Variants in SPECC1 observed in about 807,000 individuals in gnomAD.
SPECC1 encodes the protein cytospin-B.
Under a neutral mutation model 104.1 loss-of-function variants are expected in SPECC1, and 62 were observed. The observed-to-expected ratio is 0.60, with a 90% CI of 0.49 to 0.74. The LOEUF (loss-of-function observed/expected upper bound fraction) is 0.74. Ranked by LOEUF, SPECC1 falls within the 30% of genes least tolerant of loss-of-function variation. The probability of loss-of-function intolerance (pLI) is 0.00; values close to 1 mark genes in which losing one functional copy is unlikely to be tolerated. For synonymous variants in SPECC1, 513 were observed against 501.6 expected (o/e 1.02, Z -0.30); for missense variants, 1,306 against 1,310.5 (o/e 1.00, Z 0.05).
At chr17:20,027,996 A>G (rs780809842) in intron 1 of SPECC1, among the ~76,000 whole-genome samples, 11 of 152,186 alleles carry the variant, frequency 7.2e-5, no homozygotes, top group Non-Finnish European at 1.6e-4. Flanking sequence ...TGTCAAACCT[A>G]ACGTCTTTAA....
intron 1 of SPECC1, among the ~76,000 whole-genome samples, chr17:20,013,084 T>C (rs1228360411): frequency 6.6e-6 from 1 of 152,216 alleles, no homozygotes; most frequent in East Asian, 1.9e-4. Flanking sequence ...TACACCACAT[T>C]TTGCTTATCC....
chr17:20,189,085 C>T (rs1236585088), intron 3 of SPECC1, among the ~76,000 whole-genome samples: 2 of 152,172 alleles, frequency 1.3e-5, no homozygotes, highest in East Asian at 1.9e-4. Flanking sequence ...TTCTCACTTG[C>T]ATCGAGCCTC....
At chr17:20,044,376 G>A (rs7221669) in intron 1 of SPECC1, among the ~76,000 whole-genome samples, 10,486 of 152,158 alleles carry the variant, frequency 0.069, 982 homozygotes, top group African/African-American at 0.21. Flanking sequence ...AGCTCACCCT[G>A]GAGGTGAATG....
At chr17:20,150,281 C>A (rs912684723) in intron 3 of SPECC1, among the ~76,000 whole-genome samples, 1 of 151,524 alleles carries the variant, frequency 6.6e-6, no homozygotes. Context: ...CTGTGCCCGG[C>A]CTTTTTTCTT....
chr17:20,011,105 C>A (rs1346132438), intron 1 of SPECC1, among the ~76,000 whole-genome samples: 1 of 152,138 alleles, frequency 6.6e-6, no homozygotes, highest in African/African-American at 2.4e-5. Flanking sequence ...TAGTTTACCC[C>A]ATTTTTATCT....
chr17:20,017,967 C>T (rs774222528), intron 1 of SPECC1: 7 of 152,264 alleles, frequency 4.6e-5, no homozygotes, highest in African/African-American at 7.2e-5. Flanking sequence ...TTGAGAATTC[C>T]TTTTTTCCTG....
At chr17:20,301,212 T>C (rs1159806832) in intron 13 of SPECC1, among the ~76,000 whole-genome samples, 1 of 151,942 alleles carries the variant, frequency 6.6e-6, no homozygotes, top group Admixed American at 6.6e-5. Flanking sequence ...CATATAAAAC[T>C]GAGCACACGG....
intron 3 of SPECC1, among the ~76,000 whole-genome samples, chr17:20,164,978 T>C (rs896172267): frequency 2.6e-5 from 4 of 152,234 alleles, no homozygotes; most frequent in Admixed American, 2.6e-4. Flanking sequence ...TTTTTTATAC[T>C]TTCTGTCTCT....
intron 9 of SPECC1, among the ~76,000 whole-genome samples, chr17:20,247,603 A>C (rs1365190442): frequency 1.3e-5 from 2 of 152,376 alleles, no homozygotes; most frequent in East Asian, 3.8e-4. Context: ...AATAAATATT[A>C]AATGAATGAA....
chr17:20,246,033 T>A lies in SPECC1; in HGVS notation c.2459T>A (p.Val820Asp). The A allele has an allele frequency of 6.2e-7, 1 of 1,614,220 alleles. No individual in the cohort carries two copies. Residue 820 changes from valine to aspartate, a missense_variant, in exon 8 of 15, where the codon GTT (valine) becomes GAT (aspartate). By Grantham distance (152) the Val-to-Asp change is radical (BLOSUM62 -3). Around this residue, in one of 2 missense-constraint regions of SPECC1, gnomAD observed 1,177 missense variants for 1,139.9 expected, o/e 1.03. Transcript: ENST00000395527. ...SPTPPESATT[V>D]KSLIKSFDLG... ...ACACCCCCAGAGTCGGCAACCACCG[T>A]TAAGTCACTTATCAAGTCATTTGAC...
intron 2 of SPECC1, among the ~76,000 whole-genome samples, chr17:20,109,549 C>A (rs568754725): frequency 2.0e-5 from 3 of 152,348 alleles, no homozygotes; most frequent in Admixed American, 6.5e-5. Flanking sequence ...TGTCCCATGA[C>A]AGGGAAGAAA....
chr17:20,135,249 A>C (rs2049857654), intron 3 of SPECC1, among the ~76,000 whole-genome samples: 1 of 152,216 alleles, frequency 6.6e-6, no homozygotes, highest in South Asian at 2.1e-4. Flanking sequence ...TACAGTACAG[A>C]TGGTCAGAGT....
intron 3 of SPECC1, among the ~76,000 whole-genome samples, chr17:20,142,595 C>G (rs1182125732): frequency 6.6e-6 from 1 of 152,072 alleles, no homozygotes; most frequent in African/African-American, 2.4e-5. Flanking sequence ...CTAGAGTCAC[C>G]AAATCCATAG....
chr17:20,281,319 C>T (rs990893414), intron 12 of SPECC1, among the ~76,000 whole-genome samples: 9 of 152,178 alleles, frequency 5.9e-5, no homozygotes, highest in African/African-American at 2.2e-4. Flanking sequence ...CTTTTGTCTC[C>T]TGGGCTCCCA....
chr17:20,061,811 A>G (rs879675476), intron 1 of SPECC1, among the ~76,000 whole-genome samples: 4 of 152,232 alleles, frequency 2.6e-5, no homozygotes, highest in South Asian at 2.1e-4. Context: ...GAAAGACAAG[A>G]CAGCATTTTT....
chr17:20,246,158 G>C, intron 8 of SPECC1, 87 bp downstream of exon 8: 1 of 1,512,830 alleles, frequency 6.6e-7, no homozygotes, highest in Non-Finnish European at 9.0e-7. Flanking sequence ...ACTCCACCCT[G>C]GCCCTGTGTT....
chr17:20,174,768 G>A (rs2034347493), intron 3 of SPECC1, among the ~76,000 whole-genome samples: 1 of 151,944 alleles, frequency 6.6e-6, no homozygotes, highest in African/African-American at 2.4e-5. Context: ...CTGACCACAG[G>A]TCCCGCCGGC....
chr17:20,236,107 G>T (rs2038894724), intron 7 of SPECC1, among the ~76,000 whole-genome samples: 1 of 152,184 alleles, frequency 6.6e-6, no homozygotes, highest in African/African-American at 2.4e-5. Flanking sequence ...CCCTTTTCCA[G>T]CTGTCTTGCC....
In SPECC1 at chr17:20,219,918, A is replaced by G. The variant is rs145913655; in HGVS notation, c.1864-7495A>G. ...ATGGATATCCAGTTTTCCTAGCACC[A>G]TTTACTGAAGAGACTGTCTTTTCCT... On this transcript the variant is annotated intron_variant, in intron 4 of 14. Coordinates refer to ENST00000395527, the MANE Select transcript of SPECC1 (RefSeq NM_001243439.2). 2.4e-3 allele frequency among the ~76,000 whole-genome samples: 361 copies of G among 152,162 alleles called. 1 individual carries two copies. The highest frequency in any genetic ancestry group is 8.4e-3 in the African/African-American group (349 of 41,528).
Sources: gnomAD v4.1 joint callset for allele counts (sites outside exome capture counted in the v4.1 genomes callset) on GRCh38, gnomAD v4.1.1 for gene constraint, gnomAD v4.1.1 regional missense constraint, MANE v1.5 for transcripts, NCBI Gene and HGNC (gene_info 2026-07-23, HGNC 2026-07-21) for gene names.